Variants in VWDE observed in about 807,000 individuals in gnomAD.
VWDE encodes the protein von Willebrand factor D and EGF domain-containing protein.
VWDE carries 207 observed loss-of-function variants against 178.4 expected under a neutral mutation model. The observed-to-expected ratio is 1.16, with a 90% confidence interval of 1.04 to 1.30. The LOEUF (loss-of-function observed/expected upper bound fraction) is 1.30, where lower values mean the gene tolerates loss of function less well. VWDE is among the 50% of genes most tolerant of loss of function. VWDE has a pLI of 0.00. For missense variants in VWDE, 2,287 were observed against 1,901.3 expected, an observed-to-expected ratio of 1.20 and a Z score of -3.77; for synonymous variants, 738 against 651.4, an observed-to-expected ratio of 1.13 and a Z score of -2.02.
At chr7:12,357,162 T>C (rs2128552110) in intron 17 of VWDE, 103 bp downstream of exon 17, 1 of 1,377,750 alleles carries the variant, frequency 7.3e-7, no homozygotes, top group East Asian at 2.5e-5. Flanking sequence ...TTAATAACTT[T>C]GTTGCTCTTT....
intron 3 of VWDE, among the ~76,000 whole-genome samples, chr7:12,384,500 A>G (rs1436616211): frequency 6.6e-6 from 1 of 152,136 alleles, no homozygotes. Context: ...ACTATAGACT[A>G]GGTGATAATG....
chr7:12,362,827 G>T (rs956439129), intron 13 of VWDE, among the ~76,000 whole-genome samples: 2 of 152,056 alleles, frequency 1.3e-5, no homozygotes, highest in African/African-American at 4.8e-5. Context: ...ATCTACCAGT[G>T]GTTTCCCTCT....
At chr7:12,348,980 A>T (rs1781770120) in intron 19 of VWDE, among the ~76,000 whole-genome samples, 1 of 152,080 alleles carries the variant, frequency 6.6e-6, no homozygotes, top group African/African-American at 2.4e-5. Context: ...GCAAGAACAA[A>T]AAACCAAACA....
At chr7:12,354,181 G>C in intron 18 of VWDE, 1 of 261,676 alleles carries the variant, frequency 3.8e-6, no homozygotes, top group Non-Finnish European at 7.5e-6. Context: ...TACCTATTAA[G>C]TCAGAAAACA....
At chr7:12,344,594 A>T (rs543274392) in intron 19 of VWDE, 125 bp from the exon 20 acceptor site, 3 of 705,146 alleles carry the variant, frequency 4.3e-6, no homozygotes, top group Non-Finnish European at 7.0e-6. Flanking sequence ...GTCCCTCTAG[A>T]TAATACTGAG....
chr7:12,367,152 C>T (rs544974836), intron 13 of VWDE, among the ~76,000 whole-genome samples: 37 of 152,054 alleles, frequency 2.4e-4, no homozygotes, highest in Admixed American at 2.1e-3. Flanking sequence ...TGAGCCGATA[C>T]TTCAATAAAA....
Position 12,367,371 on chromosome 7 carries a change from C to T in VWDE, c.2884G>A (p.Val962Ile). 4 of 1,544,230 alleles carry T rather than the reference C, an allele frequency of 2.6e-6. No homozygotes were observed. The highest frequency in any genetic ancestry group is 3.5e-6 in the Non-Finnish European group (4 of 1,143,610). ...FKELPSIKCE[V>I]TKLQYNSSEW... ...AATTAACATACCTGTAGCTTAGTAA[C>T]TTCACATTTAATTGAAGGTAATTCT... The change falls in exon 13 of 29, where the codon GTT (valine) becomes ATT (isoleucine). Residue 962 changes from valine to isoleucine, a missense_variant. Physicochemically the swap from Val to Ile is conservative, Grantham distance 29. Transcript: ENST00000275358.
chr7:12,343,260 A>T, intron 21 of VWDE, 82 bp from the exon 22 acceptor site: 1 of 1,002,374 alleles, frequency 1.0e-6, no homozygotes, highest in Non-Finnish European at 1.5e-6. Flanking sequence ...GTCACAATAA[A>T]ATCTTGTTGT....
intron 12 of VWDE, among the ~76,000 whole-genome samples, chr7:12,367,969 T>C (rs1782954772): frequency 6.6e-6 from 1 of 151,944 alleles, no homozygotes; most frequent in South Asian, 2.1e-4. Context: ...TGTGTAAAAA[T>C]TATTAAACCC....
chr7:12,336,890 C>T lies in VWDE; in HGVS notation c.4558+98G>A, dbSNP rs146254600. 4.2e-6 allele frequency: 5 copies of T among 1,187,434 alleles called. No homozygotes were observed. In the African/African-American group the frequency reaches 6.2e-5, roughly 15 times the overall value. 73.6% of individuals were successfully genotyped at this position (1,187,434 alleles called of 1,614,324 possible). On this transcript the variant is annotated intron_variant, in intron 26 of 28. Coordinates refer to ENST00000275358, the MANE Select transcript of VWDE (RefSeq NM_001135924.3). ...TAAATATGCAAAAATTTTAAAAAGA[C>T]CAAGCAAACAAAAGTGAAAAAAATG...
intron 18 of VWDE, among the ~76,000 whole-genome samples, chr7:12,353,149 C>T (rs1782038705): frequency 6.6e-6 from 1 of 152,160 alleles, no homozygotes; most frequent in Non-Finnish European, 1.5e-5. Context: ...GCTTAAACAA[C>T]AGAAATTATC....
Position 12,346,490 on chromosome 7 carries a change from A to G in VWDE, c.3887-2021T>C, listed in dbSNP as rs1781604865. Among the ~76,000 whole-genome samples, 2 of 152,044 alleles carry G rather than the reference A, an allele frequency of 1.3e-5. 1 individual carries two copies. Among genetic ancestry groups the G allele is most frequent in the South Asian group, 4.1e-4 (2 of 4,828 alleles). ...AAAATTGGGAAATTATATAAATGCT[A>G]TTTTATATGAGAGGCAAAGAACCAC... On this transcript the variant is annotated intron_variant, in intron 19 of 28. Transcript: ENST00000275358.
intron 18 of VWDE, among the ~76,000 whole-genome samples, chr7:12,353,063 A>T (rs1782031942): frequency 6.6e-6 from 1 of 152,166 alleles, no homozygotes; most frequent in Non-Finnish European, 1.5e-5. Flanking sequence ...CCTCCAAAAA[A>T]ACTTGTTCTT....
intron 7 of VWDE, among the ~76,000 whole-genome samples, chr7:12,376,542 A>C (rs946050523): frequency 6.6e-6 from 1 of 152,144 alleles, no homozygotes; most frequent in Non-Finnish European, 1.5e-5. Context: ...AATATATTTT[A>C]AAGTATACCT....
intron 10 of VWDE, among the ~76,000 whole-genome samples, chr7:12,371,205 A>C (rs543753604): frequency 2.2e-4 from 34 of 152,300 alleles, no homozygotes; most frequent in Admixed American, 9.2e-4. Context: ...GTTTCTGATA[A>C]TAATTATTTA....
chr7:12,362,220 T>TAC (rs61071248), intron 13 of VWDE, among the ~76,000 whole-genome samples: 17,286 of 149,188 alleles, frequency 0.12, 1,057 homozygotes, highest in East Asian at 0.19. Flanking sequence ...GAGACAAACA[T>TAC]ACACACACAC....
rs1297598992 is a variant in VWDE, at chr7:12,340,481, C to T, written c.4271-64G>A. 7 of 1,200,050 alleles carry T rather than the reference C, an allele frequency of 5.8e-6. No individual in the cohort carries two copies. The African/African-American group carries it at 9.3e-5, about 16-fold the overall frequency. 74.3% of individuals were successfully genotyped at this position (1,200,050 alleles called of 1,614,324 possible). ...TATTATTTAAAAAATGAAAGCTGCA[C>T]AGAAGTGCAAAATGGTGCATAATGA... is the stretch of plus-strand genomic sequence containing the variant. On this transcript the variant is annotated intron_variant, in intron 23 of 28. Transcript: ENST00000275358.
intron 13 of VWDE, among the ~76,000 whole-genome samples, chr7:12,364,761 A>G (rs1782769487): frequency 6.6e-6 from 1 of 152,166 alleles, no homozygotes; most frequent in African/African-American, 2.4e-5. Flanking sequence ...TGCTAAAATT[A>G]GGAAGAAAAT....
At chr7:12,359,084 A>C (rs1782431481) in intron 16 of VWDE, among the ~76,000 whole-genome samples, 1 of 152,200 alleles carries the variant, frequency 6.6e-6, no homozygotes. Context: ...ATATGGAACC[A>C]ACATAGCTCT....
Sources: allele counts gnomAD v4.1 joint callset (sites outside exome capture counted in the v4.1 genomes callset), GRCh38; gene constraint gnomAD v4.1.1; transcripts MANE v1.5; gene names NCBI Gene and HGNC (gene_info 2026-07-23, HGNC 2026-07-21).